CCDC191: variants seen among roughly 807,000 people sequenced by gnomAD.
CCDC191 encodes the protein coiled-coil domain containing 191.
A neutral mutation model predicts 114.0 loss-of-function variants in CCDC191; 99 were observed. The ratio of observed to expected loss-of-function variants is 0.87; its 90% CI spans 0.74 to 1.03. The LOEUF (loss-of-function observed/expected upper bound fraction) is 1.03. CCDC191 is among the 50% of genes least tolerant of loss of function. The pLI is 0.00. For synonymous variants in CCDC191, 351 were observed against 376.0 expected (o/e 0.93, Z 0.77); for missense variants, 973 against 1,087.0 (o/e 0.90, Z 1.47).
intron 8 of CCDC191, among the ~76,000 whole-genome samples, chr3:114,013,520 T>C (rs925058295): frequency 2.6e-5 from 4 of 152,238 alleles, no homozygotes; most frequent in African/African-American, 9.6e-5. Context: ...CAACTTACTT[T>C]GGTATGCTCA....
In CCDC191 at chr3:114,005,895, G is replaced by A. The variant is rs779738802; in HGVS notation, c.1481C>T (p.Pro494Leu). The change falls in exon 10 of 17, where the codon CCC (proline) becomes CTC (leucine). Residue 494 changes from proline (P) to leucine (L), a missense_variant. By Grantham distance (98) the Pro-to-Leu change is moderately conservative. Coordinates refer to ENST00000295878, the MANE Select transcript of CCDC191 (RefSeq NM_020817.2). ...GTTGCCTGTTGTTGTTCTTCCCAGG[G>A]GAGGACTGAGCATACAACCACTGCT... ...LGSSGCMLSP[P>L]LGRTTTGNLQ... 5 of 1,614,038 alleles carry A rather than the reference G, an allele frequency of 3.1e-6. No individual in the cohort carries two copies. The highest frequency in any genetic ancestry group is 3.4e-6 in the Non-Finnish European group (4 of 1,179,986).
At chr3:113,994,668 C>T (rs1297404432) in intron 13 of CCDC191, among the ~76,000 whole-genome samples, 1 of 149,906 alleles carries the variant, frequency 6.7e-6, no homozygotes, top group African/African-American at 2.5e-5. Context: ...ACTGCAACTT[C>T]GAACTCCTGA....
intron 12 of CCDC191, 65 bp downstream of exon 12, chr3:114,002,391 A>AT: frequency 3.2e-6 from 4 of 1,234,030 alleles, no homozygotes; most frequent in Non-Finnish European, 4.6e-6. Context: ...GCAAGGTTTC[A>AT]TTTTTTAAGA....
In CCDC191 at chr3:114,035,042, T is replaced by A. The variant is rs201817007; in HGVS notation, c.701A>T (p.Glu234Val). The A allele has an allele frequency of 6.8e-6, 11 of 1,614,114 alleles. No individual in the cohort carries two copies. The East Asian group carries it at 2.5e-4, about 36-fold the overall frequency. Residue 234 changes from glutamate (E) to valine (V), a missense_variant, in exon 6 of 17, where the codon GAG (glutamate) becomes GTG (valine). Coordinates refer to ENST00000295878, the MANE Select transcript of CCDC191 (RefSeq NM_020817.2). ...GGCCTCCAGAGCCTTCCTTTTCTTCTCTTCTTGCACCAGACACTGAGCCTC... is the reference window on the plus strand; with the variant it reads ...GGCCTCCAGAGCCTTCCTTTTCTTCACTTCTTGCACCAGACACTGAGCCTC... ...FLEAQCLVQEEKKRKALEAKK... is the reference protein window; with the variant it reads ...FLEAQCLVQEVKKRKALEAKK...
At chr3:113,969,528 T>C (rs1444996591) in intron 16 of CCDC191, among the ~76,000 whole-genome samples, 2 of 152,340 alleles carry the variant, frequency 1.3e-5, no homozygotes, top group East Asian at 1.9e-4. Context: ...TTTTTGTGTA[T>C]GGTGAGAGAA....
chr3:113,966,125 C>G (rs988876206), intron 16 of CCDC191, among the ~76,000 whole-genome samples: 1 of 152,190 alleles, frequency 6.6e-6, no homozygotes, highest in Non-Finnish European at 1.5e-5. Flanking sequence ...GCCAAAGTTA[C>G]AGGCATTGAG....
chr3:114,047,915 C>T (rs748260299), intron 2 of CCDC191, among the ~76,000 whole-genome samples: 2 of 152,134 alleles, frequency 1.3e-5, no homozygotes, highest in Admixed American at 6.5e-5. Context: ...GCAGAGGTTG[C>T]AGTGAGCTGA....
chr3:114,005,421 G>T, intron 10 of CCDC191, 87 bp downstream of exon 10: 2 of 1,279,022 alleles, frequency 1.6e-6, no homozygotes, highest in Non-Finnish European at 1.1e-6. Flanking sequence ...CAATCATGGG[G>T]CTCAGAAGCA....
rs776452916 is a variant in CCDC191 at position 114,001,714 on chromosome 3, C to T, written c.2062-18G>A. On this transcript the variant is annotated intron_variant, in intron 12 of 16. Coordinates refer to ENST00000295878, the MANE Select transcript of CCDC191 (RefSeq NM_020817.2). ...AACTGGGCCTGATTGAGATTAGAAC[C>T]CAGAAATATCAGAACCCTCAATTTG... 1.9e-6 allele frequency: 3 copies of T among 1,612,698 alleles called. No homozygotes were observed. Among genetic ancestry groups the T allele is most frequent in the Non-Finnish European group, 2.5e-6 (3 of 1,179,482 alleles).
chr3:113,997,454 C>T (rs2107648622), intron 13 of CCDC191, among the ~76,000 whole-genome samples: 1 of 152,270 alleles, frequency 6.6e-6, no homozygotes, highest in East Asian at 1.9e-4. Flanking sequence ...CAATTAGACC[C>T]TCAGTACTTA....
intron 1 of CCDC191, among the ~76,000 whole-genome samples, 164 bp from the exon 2 acceptor site, chr3:114,053,799 T>TAGCAG (rs1304501354): frequency 6.6e-6 from 1 of 152,204 alleles, no homozygotes; most frequent in Non-Finnish European, 1.5e-5. Context: ...AGACACAGAA[T>TAGCAG]AGCAGTATGA....
At chr3:114,006,169 C>G (rs936483673) in intron 9 of CCDC191, 3 of 652,466 alleles carry the variant, frequency 4.6e-6, no homozygotes, top group Non-Finnish European at 8.4e-6. Flanking sequence ...GGGAGAGTGG[C>G]CGGCTGTGGT....
chr3:113,994,467 T>C (rs1321456624), intron 13 of CCDC191, among the ~76,000 whole-genome samples: 1 of 152,156 alleles, frequency 6.6e-6, no homozygotes, highest in Non-Finnish European at 1.5e-5. Flanking sequence ...GCAGCCTCTT[T>C]GGAATAGAAT....
chr3:113,988,886 C>T (rs183745885), intron 13 of CCDC191, among the ~76,000 whole-genome samples: 37 of 152,090 alleles, frequency 2.4e-4, no homozygotes, highest in Middle Eastern at 3.4e-3. Flanking sequence ...CTCCGCCTCC[C>T]GGGTTCATGC....
At chr3:114,046,330 T>G (rs2076629085) in intron 3 of CCDC191, among the ~76,000 whole-genome samples, 1 of 152,272 alleles carries the variant, frequency 6.6e-6, no homozygotes, top group Non-Finnish European at 1.5e-5. Flanking sequence ...GTCACAGGAC[T>G]AATATCTTAC....
chr3:113,978,004 G>A lies in CCDC191; in HGVS notation c.2606+182C>T, dbSNP rs558560804. ...TCCTCCCACTTCTCTTTTTAAAGAT[G>A]GAACCCTGGAGTCCCAGGGGGTTTA... On this transcript the variant is annotated intron_variant, in intron 16 of 16. Transcript: ENST00000295878. 4.6e-5 allele frequency among the ~76,000 whole-genome samples: 7 copies of A among 152,268 alleles called. No individual in the cohort carries two copies. In the East Asian group the frequency reaches 1.4e-3, roughly 29 times the overall value.
chr3:113,982,884 ATAAC>A (rs1231154484), intron 13 of CCDC191, among the ~76,000 whole-genome samples: 1 of 152,064 alleles, frequency 6.6e-6, no homozygotes, highest in African/African-American at 2.4e-5. Context: ...AAAATAAAAA[ATAAC>A]TAACAAAAAA....
chr3:113,973,975 C>CT (rs1941074739), intron 16 of CCDC191, among the ~76,000 whole-genome samples: 2 of 150,852 alleles, frequency 1.3e-5, no homozygotes. Flanking sequence ...CATTCCTTTT[C>CT]TTTTTTCTTT....
chr3:113,985,455 G>A (rs1490146949), intron 13 of CCDC191, among the ~76,000 whole-genome samples: 2 of 152,104 alleles, frequency 1.3e-5, no homozygotes, highest in Non-Finnish European at 2.9e-5. Context: ...TGAGACAGTG[G>A]TGGATACCCA....
Sources: allele counts gnomAD v4.1 joint callset (sites outside exome capture counted in the v4.1 genomes callset), GRCh38; gene constraint gnomAD v4.1.1; transcripts MANE v1.5; gene names NCBI Gene and HGNC (gene_info 2026-07-23, HGNC 2026-07-21).